The following UBR4 variants were observed in gnomAD, a reference collection of about 807,000 sequenced individuals.
The protein encoded by UBR4 is ubiquitin protein ligase E3 component n-recognin 4, also known as E3 ubiquitin-protein ligase UBR4.
In UBR4, 124 loss-of-function variants were observed where a neutral mutation model predicts 575.6. That is an observed-to-expected ratio of 0.22 (90% CI 0.19 to 0.25). The LOEUF (loss-of-function observed/expected upper bound fraction) is 0.25, where lower values mean the gene tolerates loss of function less well. Ranked by LOEUF, UBR4 falls within the 10% of genes least tolerant of loss-of-function variation. The pLI is 1.00. For missense variants in UBR4, 4,818 were observed against 6,478.8 expected (o/e 0.74, Z 8.80); for synonymous variants, 2,455 against 2,473.7 (o/e 0.99, Z 0.22).
rs756354598 is a variant in UBR4, at chr1:19,185,092, C to T, written c.1938+7G>A. On this transcript the variant is annotated splice_region_variant and intron_variant, in intron 15 of 105. Transcript: ENST00000375254. ...ACTTCCCCTAAACCTTAGAAACCTACTCTTACCAACTCAGGATCTTTGCGA... is the reference window on the plus strand; with the variant it reads ...ACTTCCCCTAAACCTTAGAAACCTATTCTTACCAACTCAGGATCTTTGCGA... 3 of 1,614,176 alleles carry T rather than the reference C, an allele frequency of 1.9e-6. No individual in the cohort carries two copies. Among genetic ancestry groups the T allele is most frequent in the East Asian group, 2.2e-5 (1 of 44,884 alleles).
chr1:19,174,861 A>G (rs1484958997), intron 21 of UBR4, 93 bp downstream of exon 21: 12 of 1,170,892 alleles, frequency 1.0e-5, no homozygotes, highest in Non-Finnish European at 1.2e-6. Flanking sequence ...TCCTCACTAT[A>G]AAAAGTCAGT....
chr1:19,169,341 G>A, intron 27 of UBR4, 94 bp downstream of exon 27: 1 of 997,108 alleles, frequency 1.0e-6, no homozygotes. Flanking sequence ...AGATATCTTG[G>A]TAGCTAGTTT....
chr1:19,104,403 A>C, intron 86 of UBR4, 146 bp from the exon 87 acceptor site: 1 of 1,211,918 alleles, frequency 8.3e-7, no homozygotes, highest in Non-Finnish European at 1.1e-6. Flanking sequence ...AAGCGGAAAC[A>C]GTCAATAGCA....
At chr1:19,078,363 A>G (rs576372748) in intron 103 of UBR4, 1 of 301,564 alleles carries the variant, frequency 3.3e-6, no homozygotes, top group African/African-American at 2.2e-5. Context: ...CAGACGTGGC[A>G]AATGCAAGGC....
chr1:19,104,684 T>G lies in UBR4; in HGVS notation c.12646-18A>C. On this transcript the variant is annotated intron_variant, in intron 85 of 105. Transcript: ENST00000375254. ...GCTATTTCCTAAACAGGATGACAAG[T>G]GCAGTCAGTGTGATATCACTGCCAA... The G allele has an allele frequency of 2.5e-6, 4 of 1,613,204 alleles. No individual in the cohort carries two copies. In the Admixed American group the frequency reaches 5.0e-5, roughly 20 times the overall value.
intron 9 of UBR4, among the ~76,000 whole-genome samples, chr1:19,193,220 G>T (rs988651287): frequency 2.0e-5 from 3 of 152,180 alleles, no homozygotes; most frequent in South Asian, 4.1e-4. Context: ...AATCTTTCAA[G>T]TGTGTTCTAC....
chr1:19,167,159 C>G lies in UBR4; in HGVS notation c.3972G>C (p.Glu1324Asp). The change falls in exon 29 of 106, where the codon GAG becomes GAC. Residue 1324 changes from glutamate (E) to aspartate (D), a missense_variant. Around this residue, in one of 29 missense-constraint regions of UBR4, gnomAD observed 1,172 missense variants for 1,259.7 expected, o/e 0.93. Transcript: ENST00000375254. ...LLPLLLESSTESVAEISSNSL... is the reference protein window; with the variant it reads ...LLPLLLESSTDSVAEISSNSL... ...AGTTGCTACTGATCTCGGCAACACT[C>G]TCAGTGCTTGATTCCAAAAGAAGAG... 1 of 1,614,216 alleles carries G rather than the reference C, an allele frequency of 6.2e-7. No individual in the cohort carries two copies. The highest frequency in any genetic ancestry group is 8.5e-7 in the Non-Finnish European group (1 of 1,180,036).
intron 23 of UBR4, 37 bp downstream of exon 23, chr1:19,173,402 T>C (rs1402006654): frequency 6.2e-7 from 1 of 1,612,874 alleles, no homozygotes; most frequent in East Asian, 2.2e-5. Context: ...CAAAGCACTT[T>C]GGCTTTGAAT....
intron 70 of UBR4, 139 bp downstream of exon 70, chr1:19,119,418 G>T: frequency 8.1e-7 from 1 of 1,233,106 alleles, no homozygotes; most frequent in Non-Finnish European, 1.1e-6. Flanking sequence ...TGCTTACCAA[G>T]AAATGCAAAA....
Position 19,110,526 on chromosome 1 carries a change from C to A in UBR4, c.11893-62G>T. The A allele has an allele frequency of 6.5e-7, 1 of 1,542,620 alleles. No individual in the cohort carries two copies. ...TCAGCTCCGGTCCAGCGACTCTTAACTATTAATACAATTTCTGGTCCTAGG... is the reference window on the plus strand; with the variant it reads ...TCAGCTCCGGTCCAGCGACTCTTAAATATTAATACAATTTCTGGTCCTAGG... On this transcript the variant is annotated intron_variant, in intron 79 of 105. Coordinates refer to ENST00000375254, the MANE Select transcript of UBR4 (RefSeq NM_020765.3). This position sits in a 1 kb window ranked among gnomAD's most constrained non-coding sequence, Gnocchi z 4.5.
chr1:19,110,290 C>T lies in UBR4; in HGVS notation c.11978-67G>A. 1 of 1,613,104 alleles carries T rather than the reference C, an allele frequency of 6.2e-7. No homozygotes were observed. Among genetic ancestry groups the T allele is most frequent in the Non-Finnish European group, 8.5e-7 (1 of 1,179,192 alleles). The stretch of plus-strand genomic sequence containing the variant: ...TACACATCTGCTCTGCAGAGGCCGC[C>T]CAAGCATCAGTTTCCCTCCTCCCCT... On this transcript the variant is annotated intron_variant, in intron 80 of 105. Transcript: ENST00000375254. The surrounding 1 kb of genome is among the most constrained non-coding windows in gnomAD (Gnocchi z 4.5).
chr1:19,081,764 C>G (rs747859286), intron 102 of UBR4, 191 bp from the exon 103 acceptor site: 3 of 734,494 alleles, frequency 4.1e-6, no homozygotes, highest in African/African-American at 3.5e-5. Context: ...CGTCCCCTTC[C>G]AGGCCCTTCT....
At chr1:19,077,023 A>G (rs2076010095) in intron 104 of UBR4, 121 bp from the exon 105 acceptor site, 1 of 1,080,394 alleles carries the variant, frequency 9.3e-7, no homozygotes, top group South Asian at 1.6e-5. Context: ...ACACCAAAGC[A>G]TACCAACAGG....
intron 87 of UBR4, 129 bp from the exon 88 acceptor site, chr1:19,101,770 C>T: frequency 7.2e-7 from 1 of 1,392,366 alleles, no homozygotes; most frequent in Non-Finnish European, 9.7e-7. Flanking sequence ...CCCTACATGG[C>T]AATATCAATA....
rs144143109 is a variant in UBR4 at position 19,153,458 on chromosome 1, C to T, written c.6675G>A (p.Gln2225=). ...ACAGCAGAATCATTGTTGTCCGCTGCTGCTCATTGCAGGCCGTGTGCCTAA... is the reference window on the plus strand; with the variant it reads ...ACAGCAGAATCATTGTTGTCCGCTGTTGCTCATTGCAGGCCGTGTGCCTAA... ...VAIRHTACNE[Q]QRTTMILLCE... The change falls in exon 46 of 106, where the codon CAG becomes CAA. Residue 2225 remains glutamine, a synonymous_variant. Coordinates refer to ENST00000375254, the MANE Select transcript of UBR4 (RefSeq NM_020765.3). The surrounding 1 kb of genome is among the most constrained non-coding windows in gnomAD (Gnocchi z 4.1). The T allele has an allele frequency of 3.1e-6, 5 of 1,614,060 alleles. No homozygotes were observed. The African/African-American group carries it at 5.3e-5, about 17-fold the overall frequency.
At chr1:19,202,798 G>A (rs879761499) in intron 1 of UBR4, among the ~76,000 whole-genome samples, 11 of 152,176 alleles carry the variant, frequency 7.2e-5, no homozygotes, top group Non-Finnish European at 1.2e-4. Context: ...GGCCGGGCAC[G>A]GTGGCTGGCC....
Position 19,183,849 on chromosome 1 carries a change from A to G in UBR4, c.2146T>C (p.Ser716Pro), listed in dbSNP as rs972778281. 3.1e-6 allele frequency: 5 copies of G among 1,614,204 alleles called. No individual in the cohort carries two copies. The highest frequency in any genetic ancestry group is 4.2e-6 in the Non-Finnish European group (5 of 1,180,030). Residue 716 changes from serine to proline, a missense_variant, in exon 17 of 106, where the codon TCA (serine) becomes CCA (proline). Physicochemically the swap from Ser to Pro is moderately conservative, Grantham distance 74. Transcript: ENST00000375254. ...FAAALYHFNH[S>P]LVTSDLQSPN... ...GACTGAAGGTCAGAGGTTACCAGTGAGTGGTTGAAGTGATAGAGAGCTGCA... is the reference window on the plus strand; with the variant it reads ...GACTGAAGGTCAGAGGTTACCAGTGGGTGGTTGAAGTGATAGAGAGCTGCA...
In UBR4 at chr1:19,168,169, T is replaced by C; in HGVS notation, c.3757A>G (p.Asn1253Asp). 1 of 1,589,340 alleles carries C rather than the reference T, an allele frequency of 6.3e-7. No homozygotes were observed. Among genetic ancestry groups the C allele is most frequent in the Non-Finnish European group, 8.6e-7 (1 of 1,162,174 alleles). The change falls in exon 28 of 106, where the codon AAT becomes GAT. Residue 1253 changes from asparagine (N) to aspartate (D), a missense_variant. Asn to Asp is a conservative substitution (Grantham distance 23). Around this residue, in one of 29 missense-constraint regions of UBR4, gnomAD observed 1,172 missense variants for 1,259.7 expected, o/e 0.93. Coordinates refer to ENST00000375254, the MANE Select transcript of UBR4 (RefSeq NM_020765.3). Reference sequence around the variant, plus strand: ...TAACTCTCTGAAGGGATGGTGTCATTGGCAAAGGCATTGCGCTGAAAGGAA... The same window carrying C: ...TAACTCTCTGAAGGGATGGTGTCATCGGCAAAGGCATTGCGCTGAAAGGAA... ...NIGSWRNAFA[N>D]DTIPSESYIS...
intron 1 of UBR4, among the ~76,000 whole-genome samples, chr1:19,203,231 TGGC>T (rs1366585837): frequency 6.6e-6 from 1 of 152,082 alleles, no homozygotes; most frequent in African/African-American, 2.4e-5. Flanking sequence ...TTGTAGCTGG[TGGC>T]TCAAGCCTGT....
Sources: allele counts gnomAD v4.1 joint callset (sites outside exome capture counted in the v4.1 genomes callset), GRCh38; gene constraint gnomAD v4.1.1; regional missense constraint gnomAD v4.1.1; non-coding constraint Gnocchi (gnomAD v3.1); transcripts MANE v1.5; gene names NCBI Gene and HGNC (gene_info 2026-07-23, HGNC 2026-07-21).